PHACTR1: variants seen among roughly 807,000 people sequenced by gnomAD.
PHACTR1 encodes RPEL repeat containing 1.
A neutral mutation model predicts 69.2 loss-of-function variants in PHACTR1; 16 were observed. The observed-to-expected ratio is 0.23, with a 90% CI of 0.16 to 0.35. The LOEUF (loss-of-function observed/expected upper bound fraction) is 0.35, where lower values mean the gene tolerates loss of function less well. Ranked by LOEUF, PHACTR1 falls within the 10% of genes least tolerant of loss-of-function variation. The probability of loss-of-function intolerance (pLI) is 1.00; values close to 1 mark genes in which losing one functional copy is unlikely to be tolerated. For synonymous variants in PHACTR1, 312 were observed against 284.5 expected (o/e 1.10, Z -0.97); for missense variants, 510 against 734.7 (o/e 0.69, Z 3.54).
chr6:12,994,255 A>G (rs1797148354), intron 4 of PHACTR1, among the ~76,000 whole-genome samples: 1 of 152,218 alleles, frequency 6.6e-6, no homozygotes, highest in Non-Finnish European at 1.5e-5. Flanking sequence ...ATATTAGGTG[A>G]CACAAAAGAT....
intron 4 of PHACTR1, among the ~76,000 whole-genome samples, chr6:12,770,610 G>C (rs1296996209): frequency 6.6e-6 from 1 of 152,164 alleles, no homozygotes; most frequent in African/African-American, 2.4e-5. Context: ...AGTCCCCCTG[G>C]TTCACAAGAT....
At chr6:13,070,971 T>C (rs1478221377) in intron 5 of PHACTR1, among the ~76,000 whole-genome samples, 1 of 137,496 alleles carries the variant, frequency 7.3e-6, no homozygotes, top group Admixed American at 7.6e-5. Flanking sequence ...CTAAAACAAA[T>C]ATAAAGTAGC....
intron 5 of PHACTR1, among the ~76,000 whole-genome samples, chr6:13,098,556 G>C (rs1814642142): frequency 6.6e-6 from 1 of 152,132 alleles, no homozygotes; most frequent in African/African-American, 2.4e-5. Context: ...GATATCCCTA[G>C]TCTGTGTTGT....
chr6:12,895,698 C>T (rs1185081252), intron 4 of PHACTR1, among the ~76,000 whole-genome samples: 1 of 152,192 alleles, frequency 6.6e-6, no homozygotes, highest in Non-Finnish European at 1.5e-5. Context: ...CAAAATGAAA[C>T]CAAAGTGACA....
intron 5 of PHACTR1, among the ~76,000 whole-genome samples, chr6:13,061,864 AC>A: frequency 6.6e-6 from 1 of 152,228 alleles, no homozygotes; most frequent in Non-Finnish European, 1.5e-5. Flanking sequence ...GCAATAAAGT[AC>A]TGCAGTTCAA....
intron 5 of PHACTR1, among the ~76,000 whole-genome samples, chr6:13,129,411 G>T (rs1055509155): frequency 1.1e-4 from 17 of 152,178 alleles, no homozygotes; most frequent in African/African-American, 3.4e-4. Context: ...GTCTTCAAGA[G>T]ACTTATCTAA....
In PHACTR1 at chr6:12,853,262, C is replaced by T. The variant is rs116811745; in HGVS notation, c.250+103472C>T. Among the ~76,000 whole-genome samples the T allele has an allele frequency of 5.7e-3, 870 of 152,266 alleles. 14 individuals carry two copies. Among genetic ancestry groups the T allele is most frequent in the African/African-American group, 0.02 (832 of 41,548 alleles). ...CCTACGTCACATGTGCTGCCACTGC[C>T]CTGCTCCAGTGTCCCTTGCAGACTT... On this transcript the variant is annotated intron_variant, in intron 4 of 14. Transcript: ENST00000332995.
intron 3 of PHACTR1, among the ~76,000 whole-genome samples, chr6:12,741,784 T>A (rs1259834902): frequency 1.6e-5 from 2 of 128,222 alleles, no homozygotes; most frequent in African/African-American, 2.9e-5. Flanking sequence ...AAAAAAAAAA[T>A]CACACACTGA....
intron 4 of PHACTR1, among the ~76,000 whole-genome samples, chr6:12,956,691 C>CA (rs1791938985): frequency 6.6e-6 from 1 of 152,110 alleles, no homozygotes; most frequent in African/African-American, 2.4e-5. Flanking sequence ...CCCCTCAACC[C>CA]AAGCCACCCC....
chr6:13,258,087 G>A (rs576080535), intron 10 of PHACTR1, among the ~76,000 whole-genome samples: 1 of 152,308 alleles, frequency 6.6e-6, no homozygotes, highest in East Asian at 1.9e-4. Flanking sequence ...GCTGGGAGCA[G>A]TGGCTCATGC....
At chr6:13,123,459 C>T (rs1321116435) in intron 5 of PHACTR1, among the ~76,000 whole-genome samples, 1 of 152,188 alleles carries the variant, frequency 6.6e-6, no homozygotes, top group Non-Finnish European at 1.5e-5. Flanking sequence ...AAGCATTAAA[C>T]ATTTAAAGGC....
At chr6:13,111,831 C>T (rs1817086735) in intron 5 of PHACTR1, among the ~76,000 whole-genome samples, 1 of 152,026 alleles carries the variant, frequency 6.6e-6, no homozygotes, top group African/African-American at 2.4e-5. Context: ...TGCCATATTT[C>T]CCTTTGATTT....
chr6:13,088,179 GT>G (rs1326690116), intron 5 of PHACTR1, among the ~76,000 whole-genome samples: 1 of 152,060 alleles, frequency 6.6e-6, no homozygotes, highest in Non-Finnish European at 1.5e-5. Flanking sequence ...GACTTAGCAA[GT>G]TTGCTGTGAA....
intron 4 of PHACTR1, among the ~76,000 whole-genome samples, chr6:12,939,892 G>C (rs1789888973): frequency 6.6e-6 from 1 of 152,180 alleles, no homozygotes; most frequent in Non-Finnish European, 1.5e-5. Flanking sequence ...TAATGAATTT[G>C]GGTGGCAGTC....
rs1201543960 is a variant in PHACTR1 at position 13,230,092 on chromosome 6, C to T, written c.1290C>T (p.Asn430=). Residue 430 remains asparagine, a synonymous_variant, in exon 10 of 15, where the codon AAC becomes AAT. Transcript: ENST00000332995. ...ACTCCTTAGCCATCAAACTCAGCAACAGGCCCTCCAAGCGAGAGCTGGAAG... is the reference window on the plus strand; with the variant it reads ...ACTCCTTAGCCATCAAACTCAGCAATAGGCCCTCCAAGCGAGAGCTGGAAG... ...RKDSLAIKLS[N]RPSKRELEEK... 2.5e-6 allele frequency: 4 copies of T among 1,611,592 alleles called. No homozygotes were observed. The East Asian group carries it at 8.9e-5, about 36-fold the overall frequency.
chr6:12,949,956 C>G (rs1273017781), intron 4 of PHACTR1, among the ~76,000 whole-genome samples: 1 of 152,216 alleles, frequency 6.6e-6, no homozygotes, highest in Admixed American at 6.5e-5. Context: ...CGTCTCACAC[C>G]TAATGCTCCA....
chr6:13,209,727 A>G (rs1279100513), intron 8 of PHACTR1, among the ~76,000 whole-genome samples: 1 of 152,170 alleles, frequency 6.6e-6, no homozygotes, highest in Non-Finnish European at 1.5e-5. Context: ...CTCTGCTCCA[A>G]CAGGACGTTC....
chr6:12,820,577 C>T (rs573401748), intron 4 of PHACTR1, among the ~76,000 whole-genome samples: 7 of 152,292 alleles, frequency 4.6e-5, no homozygotes, highest in East Asian at 1.9e-4. Context: ...CCTCTCTTCT[C>T]GCTTTCTCCT....
chr6:13,155,706 GGT>G (rs1344040075), intron 5 of PHACTR1, among the ~76,000 whole-genome samples: 1 of 152,076 alleles, frequency 6.6e-6, no homozygotes. Context: ...TGGCCAACAT[GGT>G]GAAACCCCGT....
Sources: gnomAD v4.1 joint callset for allele counts (sites outside exome capture counted in the v4.1 genomes callset) on GRCh38, gnomAD v4.1.1 for gene constraint, MANE v1.5 for transcripts, NCBI Gene and HGNC (gene_info 2026-07-23, HGNC 2026-07-21) for gene names.